NLGN1: variants seen among roughly 807,000 people sequenced by gnomAD.
The protein encoded by NLGN1 is neuroligin-1.
NLGN1 carries 12 observed loss-of-function variants against 65.5 expected under a neutral mutation model. That is an observed-to-expected ratio of 0.18 (90% confidence interval 0.12 to 0.30). NLGN1 has a LOEUF of 0.30. Ranked by LOEUF, NLGN1 falls within the 10% of genes least tolerant of loss-of-function variation. NLGN1 has a pLI of 1.00. For missense variants in NLGN1, 750 were observed against 1,007.1 expected, an observed-to-expected ratio of 0.74 and a Z score of 3.46; for synonymous variants, 350 against 359.5, an observed-to-expected ratio of 0.97 and a Z score of 0.30.
chr3:173,550,693 G>T (rs1283751610), intron 2 of NLGN1, among the ~76,000 whole-genome samples: 1 of 145,118 alleles, frequency 6.9e-6, no homozygotes, highest in Admixed American at 6.9e-5. Flanking sequence ...TACTAAACCT[G>T]CAATGTCTTT....
intron 4 of NLGN1, among the ~76,000 whole-genome samples, chr3:174,272,391 G>C (rs1401858981): frequency 6.6e-6 from 1 of 151,710 alleles, no homozygotes; most frequent in Non-Finnish European, 1.5e-5. Flanking sequence ...TTAGCAAACT[G>C]TATCTCTTTT....
At chr3:173,405,893 C>G (rs932265729) in intron 1 of NLGN1, among the ~76,000 whole-genome samples, 1 of 151,932 alleles carries the variant, frequency 6.6e-6, no homozygotes, top group African/African-American at 2.4e-5. Flanking sequence ...GCTCTAAAAT[C>G]TGTTTTGGGT....
chr3:173,635,311 A>G (rs77295715), intron 3 of NLGN1, among the ~76,000 whole-genome samples: 7,085 of 152,204 alleles, frequency 0.047, 371 homozygotes, highest in African/African-American at 0.11. Context: ...TATCTTTGGA[A>G]CAATACCACT....
chr3:174,090,370 TGCTGAG>T (rs1294143066), intron 4 of NLGN1, among the ~76,000 whole-genome samples: 1 of 151,632 alleles, frequency 6.6e-6, no homozygotes, highest in Non-Finnish European at 1.5e-5. Flanking sequence ...ATACTTGGGG[TGCTGAG>T]GCAGGAGAGT....
At chr3:174,216,918 A>G (rs1211541772) in intron 4 of NLGN1, among the ~76,000 whole-genome samples, 1 of 152,086 alleles carries the variant, frequency 6.6e-6, no homozygotes, top group Non-Finnish European at 1.5e-5. Context: ...AAACATATGT[A>G]AGTTATTCAG....
At chr3:173,828,930 T>TG (rs35192996) in intron 4 of NLGN1, among the ~76,000 whole-genome samples, 29,382 of 151,340 alleles carry the variant, frequency 0.19, 3,711 homozygotes, top group African/African-American at 0.36. Flanking sequence ...TGTTGCTTTT[T>TG]GGGGGGGATT....
chr3:173,730,240 AT>A (rs1236260300), intron 3 of NLGN1, among the ~76,000 whole-genome samples: 4 of 149,736 alleles, frequency 2.7e-5, no homozygotes, highest in African/African-American at 9.8e-5. Flanking sequence ...AGTAGGAAAT[AT>A]CTTGTAGATA....
At chr3:173,583,762 G>T (rs1045369588) in intron 2 of NLGN1, among the ~76,000 whole-genome samples, 2 of 152,120 alleles carry the variant, frequency 1.3e-5, no homozygotes, top group Non-Finnish European at 2.9e-5. Flanking sequence ...CAACATTGAG[G>T]CCTATGTAAT....
intron 4 of NLGN1, among the ~76,000 whole-genome samples, chr3:174,030,229 G>A (rs972484701): frequency 7.3e-5 from 11 of 150,494 alleles, no homozygotes; most frequent in East Asian, 2.0e-4. Flanking sequence ...AGGTTCAAGC[G>A]ATCCTCCTGC....
chr3:173,928,672 A>ATTTTT (rs34589178), intron 4 of NLGN1, among the ~76,000 whole-genome samples: 7 of 134,518 alleles, frequency 5.2e-5, no homozygotes, highest in East Asian at 4.4e-4. Flanking sequence ...GACATAGTTA[A>ATTTTT]TTTTTTTTTT....
chr3:173,907,220 A>G (rs1288627862), intron 4 of NLGN1, among the ~76,000 whole-genome samples: 1 of 152,156 alleles, frequency 6.6e-6, no homozygotes, highest in South Asian at 2.1e-4. Context: ...CACTTCTCAC[A>G]TTTCTTTTGG....
At chr3:174,259,919 G>A (rs567973517) in intron 4 of NLGN1, among the ~76,000 whole-genome samples, 2 of 141,896 alleles carry the variant, frequency 1.4e-5, no homozygotes, top group East Asian at 4.1e-4. Flanking sequence ...CCACCTATGA[G>A]TGAGAATATA....
chr3:173,720,567 G>T (rs3980098), intron 3 of NLGN1, among the ~76,000 whole-genome samples: 76,526 of 151,998 alleles, frequency 0.5, 20,418 homozygotes, highest in East Asian at 0.74. Flanking sequence ...TTCAGCTCTA[G>T]AAACAACATA....
chr3:173,700,528 G>C (rs2149876458), intron 3 of NLGN1, among the ~76,000 whole-genome samples: 1 of 152,306 alleles, frequency 6.6e-6, no homozygotes, highest in South Asian at 2.1e-4. Flanking sequence ...TGAGTTCCTT[G>C]TATTGAATGT....
intron 4 of NLGN1, among the ~76,000 whole-genome samples, chr3:173,831,588 A>G (rs1472996139): frequency 1.3e-5 from 2 of 152,220 alleles, no homozygotes; most frequent in Non-Finnish European, 2.9e-5. Context: ...TAAATTTCAA[A>G]TAAAAAAGTA....
chr3:174,209,405 C>T (rs1736022753), intron 4 of NLGN1, among the ~76,000 whole-genome samples: 1 of 152,080 alleles, frequency 6.6e-6, no homozygotes, highest in African/African-American at 2.4e-5. Flanking sequence ...TGTCAGTACT[C>T]GTTAGCATAA....
At chr3:174,073,812 C>T (rs995993888) in intron 4 of NLGN1, among the ~76,000 whole-genome samples, 27 of 152,220 alleles carry the variant, frequency 1.8e-4, no homozygotes, top group African/African-American at 5.8e-4. Flanking sequence ...TATTTTCTTA[C>T]AAATACAAAA....
At chr3:173,424,333 C>T (rs890074285) in intron 1 of NLGN1, among the ~76,000 whole-genome samples, 1 of 152,160 alleles carries the variant, frequency 6.6e-6, no homozygotes, top group East Asian at 1.9e-4. Flanking sequence ...ACATTCAGCT[C>T]CTCCTTACTT....
At position 173,690,202 on chromosome 3, in the gene NLGN1, C is replaced by T. The variant is rs1047544104; in HGVS notation, c.493+85111C>T. On this transcript the variant is annotated intron_variant, in intron 3 of 6. Transcript: ENST00000457714. ...GTCTTGGCGTGGATTCAGGTTAGAA[C>T]GGCTTGTATTAAATATTGTGCTAAA... Among the ~76,000 whole-genome samples, 9 of 152,232 alleles carry T rather than the reference C, an allele frequency of 5.9e-5. No individual in the cohort carries two copies. In the East Asian group the frequency reaches 1.2e-3, roughly 20 times the overall value.
Sources: allele counts gnomAD v4.1 joint callset (sites outside exome capture counted in the v4.1 genomes callset), GRCh38; gene constraint gnomAD v4.1.1; transcripts MANE v1.5; gene names NCBI Gene and HGNC (gene_info 2026-07-23, HGNC 2026-07-21).